Variants in FEZF2 observed in about 807,000 individuals in gnomAD.
The protein encoded by FEZF2 is fez family zinc finger protein 2.
Under a neutral mutation model 32.8 loss-of-function variants are expected in FEZF2, and 2 were observed. That is an observed-to-expected ratio of 0.06 (90% confidence interval 0.02 to 0.19). FEZF2 has a LOEUF of 0.19. Among genes scored for constraint, FEZF2 ranks in the 10% least tolerant of loss-of-function variants. The probability of loss-of-function intolerance (pLI) is 1.00; values close to 1 mark genes in which losing one functional copy is unlikely to be tolerated. For synonymous variants in FEZF2, 322 were observed against 284.8 expected, an observed-to-expected ratio of 1.13 and a Z score of -1.32; for missense variants, 516 against 625.4, an observed-to-expected ratio of 0.83 and a Z score of 1.87.
intron 2 of FEZF2, 83 bp downstream of exon 2, chr3:62,371,934 A>C: frequency 6.6e-7 from 1 of 1,521,692 alleles, no homozygotes; most frequent in Non-Finnish European, 8.8e-7. Context: ...TCAGCTTGAA[A>C]AAGGGGCATT....
In FEZF2 at chr3:62,371,515, G is replaced by A; in HGVS notation, c.987+18C>T. On this transcript the variant is annotated intron_variant, in intron 3 of 4. Transcript: ENST00000283268. ...TGGGGGTTGCGCGCGGGCTAGGCCC[G>A]ACCCGGGGGCCACGTACCTGGGTGT... 1 of 1,605,302 alleles carries A rather than the reference G, an allele frequency of 6.2e-7. No individual in the cohort carries two copies. The highest frequency in any genetic ancestry group is 8.5e-7 in the Non-Finnish European group (1 of 1,175,662).
chr3:62,371,688 C>A (rs2148945436), intron 2 of FEZF2, 21 bp from the exon 3 acceptor site: 2 of 1,595,520 alleles, frequency 1.3e-6, no homozygotes, highest in Non-Finnish European at 1.7e-6. Flanking sequence ...ACATGGGGGG[C>A]CTTGTGGTGC....
chr3:62,371,196 A>C lies in FEZF2; in HGVS notation c.1120+21T>G, dbSNP rs369188144. 1.9e-6 allele frequency: 3 copies of C among 1,614,068 alleles called. No individual in the cohort carries two copies. The African/African-American group carries it at 4.0e-5, about 22-fold the overall frequency. On this transcript the variant is annotated intron_variant, in intron 4 of 4. Transcript: ENST00000283268. The stretch of plus-strand genomic sequence containing the variant: ...AGTCCTGAGGTGAGGTGAGAAGAGA[A>C]GGCCTCGCCTGGCACGTTACCTTTT...
At position 62,372,400 on chromosome 3, in the gene FEZF2, T is replaced by G. The variant is rs1244670737; in HGVS notation, c.469A>C (p.Ile157Leu). 1.2e-6 allele frequency: 2 copies of G among 1,611,516 alleles called. No individual in the cohort carries two copies. The highest frequency in any genetic ancestry group is 3.3e-5 in the Admixed American group (2 of 59,958). Reference sequence around the variant, plus strand: ...GCCGGCAGCCCCACAGCCTGGTTGATGACCTGCGGCTTGATGACCCTGCCC... The same window carrying G: ...GCCGGCAGCCCCACAGCCTGGTTGAGGACCTGCGGCTTGATGACCCTGCCC... Reference protein sequence around the residue: ...PAGRVIKPQVINQAVGLPASG... With the variant: ...PAGRVIKPQVLNQAVGLPASG... The change falls in exon 2 of 5, where the codon ATC becomes CTC. Residue 157 changes from isoleucine (I) to leucine (L), a missense_variant. Around this residue, in one of 3 missense-constraint regions of FEZF2, gnomAD observed 408 missense variants for 382.2 expected, o/e 1.07. Transcript: ENST00000283268. The surrounding 1 kb of genome is among the most constrained non-coding windows in gnomAD (Gnocchi z 9.6).
chr3:62,372,041 GT>G lies in FEZF2; in HGVS notation c.827del (p.Asn276ThrfsTer106). ...PGGSADGKPK[N>X]FTCEVCGKVF... ...CCTTGCCGCACACCTCGCAGGTGAA[GT>G]TTTTGGGCTTGCCATCTGCGGAGCC... On this transcript the variant is annotated frameshift_variant, in exon 2 of 5. Transcript: ENST00000283268. LOFTEE classifies it high-confidence loss of function. This position sits in a 1 kb window ranked among gnomAD's most constrained non-coding sequence, Gnocchi z 9.6. The G allele has an allele frequency of 6.2e-7, 1 of 1,608,036 alleles. No individual in the cohort carries two copies.
At position 62,371,684 on chromosome 3, in the gene FEZF2, G is replaced by A. The variant is rs766453920; in HGVS notation, c.853-17C>T. The stretch of plus-strand genomic sequence containing the variant: ...GTTAAACACCTATGGAAAGACATGG[G>A]GGGCCTTGTGGTGCGTCTGTCCGAG... On this transcript the variant is annotated splice_polypyrimidine_tract_variant and intron_variant, in intron 2 of 4. Transcript: ENST00000283268. 1.4e-5 allele frequency: 23 copies of A among 1,597,948 alleles called. No individual in the cohort carries two copies. Among genetic ancestry groups the A allele is most frequent in the Non-Finnish European group, 1.9e-5 (22 of 1,170,100 alleles).
chr3:62,370,360 C>T lies in FEZF2; in HGVS notation c.1121-18G>A. On this transcript the variant is annotated intron_variant, in intron 4 of 4. Coordinates refer to ENST00000283268, the MANE Select transcript of FEZF2 (RefSeq NM_018008.4). The surrounding 1 kb of genome is among the most constrained non-coding windows in gnomAD (Gnocchi z 4.2). ...GTAGTTCCCTACAACAGATCAAGAACAAAAAACGTGGGGGTATGGAGTAGA... is the reference window on the plus strand; with the variant it reads ...GTAGTTCCCTACAACAGATCAAGAATAAAAAACGTGGGGGTATGGAGTAGA... 5 of 1,609,516 alleles carry T rather than the reference C, an allele frequency of 3.1e-6. No individual in the cohort carries two copies. Among genetic ancestry groups the T allele is most frequent in the Non-Finnish European group, 3.4e-6 (4 of 1,177,518 alleles).
chr3:62,370,262 C>T lies in FEZF2; in HGVS notation c.1201G>A (p.Val401Ile). ...TGCATATGGAAGGTTAGGTTGTAGA[C>T]CTGGTGGAAGGCCTTGTTGCAGATG... ...CTICNKAFHQ[V>I]YNLTFHMHTH... Residue 401 changes from valine to isoleucine, a missense_variant, in exon 5 of 5, where the codon GTC (valine) becomes ATC (isoleucine). This residue lies in a region of FEZF2 where 79 missense variants were observed against 219.4 expected (regional missense o/e 0.36). Coordinates refer to ENST00000283268, the MANE Select transcript of FEZF2 (RefSeq NM_018008.4). This position sits in a 1 kb window ranked among gnomAD's most constrained non-coding sequence, Gnocchi z 4.2. 1 of 1,614,164 alleles carries T rather than the reference C, an allele frequency of 6.2e-7. No individual in the cohort carries two copies.
In FEZF2 at chr3:62,371,991, C is replaced by A. The variant is rs1704276725; in HGVS notation, c.852+26G>T. On this transcript the variant is annotated intron_variant, in intron 2 of 4. Transcript: ENST00000283268. ...GCCGCCGCCGATCGCCCCTCCCGGC[C>A]CCCCTCGCCGAACCCTGGGCCTCAC... 3.1e-6 allele frequency: 5 copies of A among 1,594,238 alleles called. No homozygotes were observed. The South Asian group carries it at 5.6e-5, about 18-fold the overall frequency.
In FEZF2 at chr3:62,372,466, A is replaced by G; in HGVS notation, c.403T>C (p.Cys135Arg). 2 of 1,596,168 alleles carry G rather than the reference A, an allele frequency of 1.3e-6. No homozygotes were observed. The highest frequency in any genetic ancestry group is 1.7e-6 in the Non-Finnish European group (2 of 1,173,138). The stretch of plus-strand genomic sequence containing the variant: ...GGCGCCAGGCCCAGCTCGGCCTTGC[A>G]GCACACGCCACAGTTGGTTTTGCAC... ...GLCKTNCGVC[C>R]KAELGLAPSA... The change falls in exon 2 of 5, where the codon TGC (cysteine) becomes CGC (arginine). Residue 135 changes from cysteine (C) to arginine (R), a missense_variant. Physicochemically the swap from Cys to Arg is radical, Grantham distance 180. Around this residue, in one of 3 missense-constraint regions of FEZF2, gnomAD observed 408 missense variants for 382.2 expected, o/e 1.07. Coordinates refer to ENST00000283268, the MANE Select transcript of FEZF2 (RefSeq NM_018008.4). The surrounding 1 kb of genome is among the most constrained non-coding windows in gnomAD (Gnocchi z 9.6).
In FEZF2 at chr3:62,372,643, G is replaced by C; in HGVS notation, c.226C>G (p.Leu76Val). 1 of 1,590,830 alleles carries C rather than the reference G, an allele frequency of 6.3e-7. No individual in the cohort carries two copies. ...GGCACCTCGTAGCCTAGGGGCTGGA[G>C]GGGGATCATACAGGGCAGCGGCGAG... ...LCSPLPCMIPLQPLGYEVPSK... is the reference protein window; with the variant it reads ...LCSPLPCMIPVQPLGYEVPSK... The change falls in exon 2 of 5, where the codon CTC becomes GTC. Residue 76 changes from leucine (L) to valine (V), a missense_variant. Physicochemically the swap from Leu to Val is conservative, Grantham distance 32. Coordinates refer to ENST00000283268, the MANE Select transcript of FEZF2 (RefSeq NM_018008.4). The surrounding 1 kb of genome is among the most constrained non-coding windows in gnomAD (Gnocchi z 9.6).
In FEZF2 at chr3:62,372,700, C is replaced by G. The variant is rs758500682; in HGVS notation, c.169G>C (p.Gly57Arg). 1.1e-5 allele frequency: 17 copies of G among 1,608,492 alleles called. No homozygotes were observed. The South Asian group carries it at 1.4e-4, about 14-fold the overall frequency. The change falls in exon 2 of 5, where the codon GGC becomes CGC. Residue 57 changes from glycine to arginine, a missense_variant. This residue lies in a region of FEZF2 where 408 missense variants were observed against 382.2 expected (regional missense o/e 1.07). Coordinates refer to ENST00000283268, the MANE Select transcript of FEZF2 (RefSeq NM_018008.4). This position sits in a 1 kb window ranked among gnomAD's most constrained non-coding sequence, Gnocchi z 9.6. Reference sequence around the variant, plus strand: ...TTGAGCAGTTTCTTGCCCTGGCTGCCGTCCGCCTCTAGCGCTCCAGGCCGG... The same window carrying G: ...TTGAGCAGTTTCTTGCCCTGGCTGCGGTCCGCCTCTAGCGCTCCAGGCCGG... Reference protein sequence around the residue: ...EPRPGALEADGSQGKKLLNLC... With the variant: ...EPRPGALEADRSQGKKLLNLC...
Position 62,373,299 on chromosome 3 carries a change from G to A in FEZF2, c.-79C>T, listed in dbSNP as rs911471366. On this transcript the variant is annotated 5_prime_UTR_variant, in exon 1 of 5. Transcript: ENST00000283268. The surrounding 1 kb of genome is among the most constrained non-coding windows in gnomAD (Gnocchi z 5.5). ...TTTACCTCTTTCCCCCACCACCAAG[G>A]AGATGCGTTCCGAGCCATGCAGCGT... is the stretch of plus-strand genomic sequence containing the variant. 27 of 172,728 alleles carry A rather than the reference G, an allele frequency of 1.6e-4. No homozygotes were observed. The highest frequency in any genetic ancestry group is 6.1e-4 in the African/African-American group (26 of 42,474). 10.7% of individuals were successfully genotyped at this position (172,728 alleles called of 1,614,324 possible).
At position 62,372,748 on chromosome 3, in the gene FEZF2, C is replaced by G. The variant is rs140759735; in HGVS notation, c.121G>C (p.Glu41Gln). 1 of 1,606,730 alleles carries G rather than the reference C, an allele frequency of 6.2e-7. No homozygotes were observed. The highest frequency in any genetic ancestry group is 1.3e-5 in the African/African-American group (1 of 74,482). The change falls in exon 2 of 5, where the codon GAG becomes CAG. Residue 41 changes from glutamate to glutamine, a missense_variant. By Grantham distance (29) the Glu-to-Gln change is conservative. Around this residue, in one of 3 missense-constraint regions of FEZF2, gnomAD observed 408 missense variants for 382.2 expected, o/e 1.07. Transcript: ENST00000283268. The surrounding 1 kb of genome is among the most constrained non-coding windows in gnomAD (Gnocchi z 9.6). ...SIERIMAKTSEPRAPFEPRPG... is the reference protein window; with the variant it reads ...SIERIMAKTSQPRAPFEPRPG... ...CGGGGCTCAAAGGGCGCACGGGGCTCCGACGTCTTGGCCATGATGCGCTCG... is the reference window on the plus strand; with the variant it reads ...CGGGGCTCAAAGGGCGCACGGGGCTGCGACGTCTTGGCCATGATGCGCTCG...
rs1704264290 is a variant in FEZF2, at chr3:62,371,210, A to T, written c.1120+7T>A. 1.2e-6 allele frequency: 2 copies of T among 1,614,260 alleles called. No homozygotes were observed. The highest frequency in any genetic ancestry group is 1.7e-6 in the Non-Finnish European group (2 of 1,180,044). On this transcript the variant is annotated splice_region_variant and intron_variant, in intron 4 of 4. Transcript: ENST00000283268. Reference sequence around the variant, plus strand: ...GTGAGAAGAGAAGGCCTCGCCTGGCACGTTACCTTTTTGGTGAAAGCCTTT... The same window carrying T: ...GTGAGAAGAGAAGGCCTCGCCTGGCTCGTTACCTTTTTGGTGAAAGCCTTT...
Position 62,372,113 on chromosome 3 carries a change from C to T in FEZF2, c.756G>A (p.Leu252=), listed in dbSNP as rs1405048662. The T allele has an allele frequency of 1.2e-6, 2 of 1,602,970 alleles. No individual in the cohort carries two copies. The highest frequency in any genetic ancestry group is 8.5e-7 in the Non-Finnish European group (1 of 1,175,494). ...CCTTGACGCCTCCGCGCTCGGCAGT[C>T]AGGGCCGAGTTTTCCTTCAGTACCT... ...LEQVLKENSA[L]TAERGGVKGH... Residue 252 remains leucine (L), a synonymous_variant, in exon 2 of 5, where the codon CTG becomes CTA. Transcript: ENST00000283268. This position sits in a 1 kb window ranked among gnomAD's most constrained non-coding sequence, Gnocchi z 9.6.
intron 3 of FEZF2, 62 bp from the exon 4 acceptor site, chr3:62,371,411 T>TC (rs71123259): frequency 0.019 from 29,631 of 1,587,808 alleles, 335 homozygotes; most frequent in Non-Finnish European, 0.021. Flanking sequence ...GGAAGGGACA[T>TC]CCCCCCCACC....
At chr3:62,371,946 C>A in intron 2 of FEZF2, 71 bp downstream of exon 2, 1 of 1,542,830 alleles carries the variant, frequency 6.5e-7, no homozygotes, top group East Asian at 2.3e-5. Context: ...AGGGGCATTC[C>A]AGGCTGCCCC....
chr3:62,370,137 G>T lies in FEZF2; in HGVS notation c.1326C>A (p.Ser442Arg). The change falls in exon 5 of 5, where the codon AGC (serine) becomes AGA (arginine). Residue 442 changes from serine (S) to arginine (R), a missense_variant. Coordinates refer to ENST00000283268, the MANE Select transcript of FEZF2 (RefSeq NM_018008.4). This position sits in a 1 kb window ranked among gnomAD's most constrained non-coding sequence, Gnocchi z 4.2. ...LKKHVRKLHD[S>R]VGPAAPSAKD... ...TTGCGGAGGGGGCAGCAGGGCCCAC[G>T]CTGTCGTGGAGTTTGCGCACATGTT... The T allele has an allele frequency of 6.2e-7, 1 of 1,614,218 alleles. No homozygotes were observed. The highest frequency in any genetic ancestry group is 1.1e-5 in the South Asian group (1 of 91,086).
Sources: gnomAD v4.1 joint callset for allele counts on GRCh38, gnomAD v4.1.1 for gene constraint, gnomAD v4.1.1 regional missense constraint, Gnocchi (gnomAD v3.1) non-coding constraint, MANE v1.5 for transcripts, NCBI Gene and HGNC (gene_info 2026-07-23, HGNC 2026-07-21) for gene names.